Variants in CNTNAP2 observed in about 807,000 individuals in gnomAD.
CNTNAP2 encodes the protein contactin associated protein 2.
A neutral mutation model predicts 155.2 loss-of-function variants in CNTNAP2; 98 were observed. That is an observed-to-expected ratio of 0.63 (90% CI 0.54 to 0.75). The LOEUF (loss-of-function observed/expected upper bound fraction) is 0.75. Among genes scored for constraint, CNTNAP2 ranks in the 30% least tolerant of loss-of-function variants. The probability of loss-of-function intolerance (pLI) is 0.00; values close to 1 mark genes in which losing one functional copy is unlikely to be tolerated. For missense variants in CNTNAP2, 1,727 were observed against 1,688.1 expected, an observed-to-expected ratio of 1.02 and a Z score of -0.40; for synonymous variants, 651 against 631.2, an observed-to-expected ratio of 1.03 and a Z score of -0.47.
intron 8 of CNTNAP2, among the ~76,000 whole-genome samples, chr7:147,245,412 C>T (rs1461664512): frequency 6.6e-6 from 1 of 152,070 alleles, no homozygotes; most frequent in East Asian, 1.9e-4. Context: ...CCTCAATCCA[C>T]CTCAGCCTCC....
intron 21 of CNTNAP2, among the ~76,000 whole-genome samples, chr7:148,297,205 G>GAAGGAAGGAAGGAAGGAAGGAAGGAAAA (rs1797303482): frequency 6.6e-6 from 1 of 150,974 alleles, no homozygotes; most frequent in Non-Finnish European, 1.5e-5. Flanking sequence ...AGGAAGGAAG[G>GAAGGAAGGAAGGAAGGAAGGAAGGAAAA]AAAAACACCT....
chr7:148,059,165 G>C (rs1270595698), intron 15 of CNTNAP2, among the ~76,000 whole-genome samples: 2 of 152,142 alleles, frequency 1.3e-5, no homozygotes, highest in Non-Finnish European at 2.9e-5. Flanking sequence ...GTACACTGCT[G>C]TAGTCCCAGC....
chr7:146,660,124 C>A (rs544711771), intron 1 of CNTNAP2, among the ~76,000 whole-genome samples: 2 of 152,098 alleles, frequency 1.3e-5, no homozygotes, highest in Admixed American at 1.3e-4. Context: ...GAAATAAAGA[C>A]TTGAATGGTA....
chr7:148,193,336 G>A (rs2189979), intron 18 of CNTNAP2, among the ~76,000 whole-genome samples: 2 of 151,996 alleles, frequency 1.3e-5, no homozygotes, highest in East Asian at 3.8e-4. Context: ...CACAACCCAC[G>A]TTTTGAGGGG....
At chr7:146,296,066 C>A (rs1345860489) in intron 1 of CNTNAP2, among the ~76,000 whole-genome samples, 1 of 152,070 alleles carries the variant, frequency 6.6e-6, no homozygotes, top group Non-Finnish European at 1.5e-5. Flanking sequence ...TAGATACTGA[C>A]CATTTGCATC....
intron 13 of CNTNAP2, among the ~76,000 whole-genome samples, chr7:147,705,783 G>C (rs1181070369): frequency 6.6e-6 from 1 of 152,088 alleles, no homozygotes; most frequent in Non-Finnish European, 1.5e-5. Flanking sequence ...TTGCTGAGTT[G>C]ATCCTTTTTC....
intron 1 of CNTNAP2, among the ~76,000 whole-genome samples, chr7:146,337,985 G>A (rs1214287326): frequency 6.6e-6 from 1 of 152,084 alleles, no homozygotes; most frequent in African/African-American, 2.4e-5. Flanking sequence ...GATATTTCCA[G>A]GTAACATTTA....
chr7:146,304,765 C>T (rs11979021), intron 1 of CNTNAP2, among the ~76,000 whole-genome samples: 32,862 of 151,908 alleles, frequency 0.22, 10,052 homozygotes, highest in African/African-American at 0.69. Context: ...TTGCTCTTCT[C>T]GAGGAGTATC....
intron 12 of CNTNAP2, among the ~76,000 whole-genome samples, chr7:147,591,606 T>A (rs1800735367): frequency 6.6e-6 from 1 of 152,182 alleles, no homozygotes; most frequent in African/African-American, 2.4e-5. Flanking sequence ...TTCCCTTTTT[T>A]ATTTATGTTT....
chr7:146,585,764 GGAAA>G (rs954794046), intron 1 of CNTNAP2, among the ~76,000 whole-genome samples: 4 of 147,174 alleles, frequency 2.7e-5, no homozygotes, highest in Admixed American at 2.0e-4. Context: ...AAGAAAGAAA[GGAAA>G]GAAAGAAAGG....
intron 13 of CNTNAP2, among the ~76,000 whole-genome samples, chr7:147,671,238 G>C (rs557632619): frequency 6.6e-6 from 1 of 152,282 alleles, no homozygotes; most frequent in Admixed American, 6.5e-5. Context: ...CTGGGCAAAT[G>C]AGGCACCCGG....
chr7:147,484,973 A>G (rs980196882), intron 10 of CNTNAP2, among the ~76,000 whole-genome samples: 4 of 152,214 alleles, frequency 2.6e-5, no homozygotes, highest in African/African-American at 7.2e-5. Flanking sequence ...CAGCAGGATT[A>G]TAACAAAAAT....
intron 4 of CNTNAP2, among the ~76,000 whole-genome samples, chr7:147,045,689 C>G (rs1374724861): frequency 1.3e-5 from 2 of 152,072 alleles, no homozygotes; most frequent in African/African-American, 4.8e-5. Flanking sequence ...GTGTCATGTT[C>G]ACACATAGTC....
chr7:147,042,593 C>A (rs1799280655), intron 3 of CNTNAP2, among the ~76,000 whole-genome samples: 1 of 151,966 alleles, frequency 6.6e-6, no homozygotes, highest in Admixed American at 6.6e-5. Flanking sequence ...TATGAGTAGT[C>A]TAACTTTAAA....
chr7:147,052,770 G>A (rs1216810474), intron 4 of CNTNAP2, among the ~76,000 whole-genome samples: 1 of 151,874 alleles, frequency 6.6e-6, no homozygotes, highest in Admixed American at 6.6e-5. Flanking sequence ...CATAAAAATA[G>A]ATTTAATAAA....
chr7:147,327,898 C>T (rs721125), intron 9 of CNTNAP2, among the ~76,000 whole-genome samples: 29,805 of 151,856 alleles, frequency 0.2, 3,175 homozygotes, highest in East Asian at 0.36. Context: ...TCCATTAAGC[C>T]GTTATCAGCC....
intron 4 of CNTNAP2, among the ~76,000 whole-genome samples, chr7:147,056,644 C>CA (rs1288827673): frequency 6.6e-6 from 1 of 152,126 alleles, no homozygotes; most frequent in Non-Finnish European, 1.5e-5. Flanking sequence ...AGTTAACGAA[C>CA]AAAAGCAAGG....
At chr7:147,970,978 G>A (rs1173950691) in intron 14 of CNTNAP2, among the ~76,000 whole-genome samples, 1 of 152,188 alleles carries the variant, frequency 6.6e-6, no homozygotes, top group Non-Finnish European at 1.5e-5. Flanking sequence ...GGTCAAAGGT[G>A]AGGAAAACAG....
chr7:146,917,692 C>T (rs959321533), intron 3 of CNTNAP2, among the ~76,000 whole-genome samples: 1 of 152,052 alleles, frequency 6.6e-6, no homozygotes, highest in African/African-American at 2.4e-5. Flanking sequence ...GTGGGTCTTT[C>T]CTGTGCTATA....
Sources: gnomAD v4.1 joint callset for allele counts (sites outside exome capture counted in the v4.1 genomes callset) on GRCh38, gnomAD v4.1.1 for gene constraint, MANE v1.5 for transcripts, NCBI Gene and HGNC (gene_info 2026-07-23, HGNC 2026-07-21) for gene names.